BEST3: variants seen among roughly 807,000 people sequenced by gnomAD.
BEST3 encodes bestrophin 3, also known as bestrophin-3.
In BEST3, 50 loss-of-function variants were observed where a neutral mutation model predicts 47.1. That is an observed-to-expected ratio of 1.06 (90% confidence interval 0.85 to 1.34). The LOEUF is 1.34. Ranked by LOEUF, BEST3 falls within the 40% of genes most tolerant of loss-of-function variation. The pLI, the probability that BEST3 is intolerant of heterozygous loss-of-function variation, is 0.00. For missense variants in BEST3, 765 were observed against 817.0 expected, an observed-to-expected ratio of 0.94 and a Z score of 0.78; for synonymous variants, 282 against 298.8, an observed-to-expected ratio of 0.94 and a Z score of 0.58.
At chr12:69,652,845 G>A (rs528056855), downstream of BEST3, among the ~76,000 whole-genome samples, 9 of 152,308 alleles carry the variant, frequency 5.9e-5, no homozygotes, top group African/African-American at 2.2e-4. Flanking sequence ...AGAGCCTGGT[G>A]ACTGGGAGAA....
intron 5 of BEST3, among the ~76,000 whole-genome samples, chr12:69,677,510 G>T (rs951249571): frequency 1.4e-4 from 21 of 152,212 alleles, no homozygotes; most frequent in African/African-American, 4.6e-4. Context: ...GCCAGGTGTG[G>T]TGGCTCATGC....
chr12:69,698,144 G>T (rs745869219), intron 1 of BEST3, among the ~76,000 whole-genome samples: 52 of 152,196 alleles, frequency 3.4e-4, no homozygotes, highest in Admixed American at 1.7e-3. Context: ...GAATTTAATT[G>T]ATGGGGCACT....
chr12:69,652,634 G>A (rs1178219085), downstream of BEST3, among the ~76,000 whole-genome samples: 1 of 152,198 alleles, frequency 6.6e-6, no homozygotes, highest in African/African-American at 2.4e-5. Flanking sequence ...GCGTGTGGAA[G>A]CAGAGATAAA....
chr12:69,686,787 A>AAAAAAAAAAAGG (rs1555208539), intron 4 of BEST3, among the ~76,000 whole-genome samples: 1 of 88,330 alleles, frequency 1.1e-5, no homozygotes, highest in Non-Finnish European at 2.3e-5. Flanking sequence ...AACAAAAAAA[A>AAAAAAAAAAAGG]AAGAAAGAAA....
Position 69,680,570 on chromosome 12 carries a change from T to G in BEST3, c.482-1677A>C, listed in dbSNP as rs942900760. Among the ~76,000 whole-genome samples, 20 of 152,090 alleles carry G rather than the reference T, an allele frequency of 1.3e-4. No individual in the cohort carries two copies. In the South Asian group the frequency reaches 2.3e-3, roughly 17 times the overall value. ...GATCCGCCCTCCTCGGCCTCCCAAA[T>G]TGCTGGGATTACAGGCGTGAGCCAC... On this transcript the variant is annotated intron_variant, in intron 4 of 9. Coordinates refer to ENST00000330891, the MANE Select transcript of BEST3 (RefSeq NM_032735.3).
chr12:69,652,196 G>A (rs1346372499), downstream of BEST3, among the ~76,000 whole-genome samples: 1 of 152,170 alleles, frequency 6.6e-6, no homozygotes, highest in Non-Finnish European at 1.5e-5. Context: ...AATAGAGCTT[G>A]GCCTCACCGC....
intron 4 of BEST3, 119 bp downstream of exon 4, chr12:69,693,555 G>A (rs1364903527): frequency 3.4e-6 from 3 of 874,772 alleles, no homozygotes; most frequent in South Asian, 1.8e-5. Flanking sequence ...ATGAGCCACC[G>A]CGCCCAACCA....
At chr12:69,678,609 A>T in intron 5 of BEST3, 130 bp downstream of exon 5, 1 of 822,366 alleles carries the variant, frequency 1.2e-6, no homozygotes, top group Non-Finnish European at 1.9e-6. Flanking sequence ...GTCTGACACT[A>T]GTCCAATCTT....
intron 8 of BEST3, among the ~76,000 whole-genome samples, chr12:69,672,392 TG>T (rs1260054574): frequency 6.6e-6 from 1 of 152,212 alleles, no homozygotes; most frequent in Non-Finnish European, 1.5e-5. Context: ...GTAAGTGCCC[TG>T]GGGCCCATTT....
In BEST3 at chr12:69,678,747, A is replaced by G. The variant is rs536750916; in HGVS notation, c.628T>C (p.Leu210=). ...RIRDSVDLQS[L]MTEMNRYRSW... Reference sequence around the variant, plus strand: ...ATTTATGATATACTTACAGTCATCAATGATTGCAGATCAACACTGTCTCTG... The same window carrying G: ...ATTTATGATATACTTACAGTCATCAGTGATTGCAGATCAACACTGTCTCTG... The change falls in exon 5 of 10, where the codon TTG becomes CTG. Residue 210 remains leucine, a synonymous_variant. Transcript: ENST00000330891. 6.2e-7 allele frequency: 1 copy of G among 1,613,960 alleles called. No homozygotes were observed. The highest frequency in any genetic ancestry group is 8.5e-7 in the Non-Finnish European group (1 of 1,179,936).
At chr12:69,643,612 T>C (rs1882942213) in exon 10 of BEST3, 1 of 575,244 alleles carries the variant, frequency 1.7e-6, no homozygotes, top group African/African-American at 1.9e-5. Flanking sequence ...TGGAGAATGT[T>C]TTTCAGTTGA....
chr12:69,684,615 G>A, intron 4 of BEST3: 1 of 667,970 alleles, frequency 1.5e-6, no homozygotes, highest in Non-Finnish European at 2.9e-6. Context: ...CTTTCTGAAA[G>A]AGAGAGTTGT....
intron 4 of BEST3, among the ~76,000 whole-genome samples, chr12:69,688,375 G>T (rs1011758674): frequency 3.9e-5 from 6 of 152,138 alleles, no homozygotes; most frequent in African/African-American, 1.2e-4. Context: ...CCAGTTCAGG[G>T]ACTTTTCAGC....
intron 9 of BEST3, among the ~76,000 whole-genome samples, chr12:69,644,057 C>T (rs1882956806): frequency 2.0e-5 from 3 of 152,094 alleles, no homozygotes; most frequent in African/African-American, 7.2e-5. Flanking sequence ...CATATCATAC[C>T]CAAGAGTTTA....
intron 9 of BEST3, among the ~76,000 whole-genome samples, chr12:69,646,939 T>TA (rs1555201120): frequency 1.0e-3 from 80 of 78,426 alleles, no homozygotes; most frequent in African/African-American, 1.9e-3. Context: ...CCTTGGGGAA[T>TA]AAAAAAAAAG....
intron 9 of BEST3, chr12:69,670,571 G>C: frequency 1.4e-6 from 1 of 702,574 alleles, no homozygotes; most frequent in South Asian, 1.5e-5. Flanking sequence ...GGGTTGAAGC[G>C]AGATCTCCTG....
chr12:69,680,211 G>A (rs1885160440), intron 4 of BEST3, among the ~76,000 whole-genome samples: 2 of 151,678 alleles, frequency 1.3e-5, no homozygotes, highest in Admixed American at 6.6e-5. Flanking sequence ...AGAGGAATAA[G>A]GTAACAGGTT....
At position 69,677,056 on chromosome 12, in the gene BEST3, C is replaced by T. The variant is rs368113693; in HGVS notation, c.727G>A (p.Ala243Thr). Reference sequence around the variant, plus strand: ...CACGCAAAGAAGAAGGTATAGACAGCAAGAGTGACAACCTGGAACAGAGAG... The same window carrying T: ...CACGCAAAGAAGAAGGTATAGACAGTAAGAGTGACAACCTGGAACAGAGAG... ...PLVYTQVVTLAVYTFFFACLI... is the reference protein window; with the variant it reads ...PLVYTQVVTLTVYTFFFACLI... Residue 243 changes from alanine to threonine, a missense_variant, in exon 7 of 10, where the codon GCT (alanine) becomes ACT (threonine). Coordinates refer to ENST00000330891, the MANE Select transcript of BEST3 (RefSeq NM_032735.3). The T allele has an allele frequency of 6.2e-7, 1 of 1,614,174 alleles. No homozygotes were observed. Among genetic ancestry groups the T allele is most frequent in the Non-Finnish European group, 8.5e-7 (1 of 1,180,024 alleles).
In BEST3 at chr12:69,686,779, C is replaced by CAAAAAAAAAAAAAAACA. The variant is rs71094728; in HGVS notation, c.481+6894_481+6895insTGTTTTTTTTTTTTTTT. Reference sequence around the variant, plus strand: ...AGAGCAAGATTCTGCCTCAAAAAAACAAAAAAAAAAGAAAGAAAAGAAAAA... The same window carrying CAAAAAAAAAAAAAAACA: ...AGAGCAAGATTCTGCCTCAAAAAAACAAAAAAAAAAAAAAACAAAAAAAAAAAGAAAGAAAAGAAAAA... On this transcript the variant is annotated intron_variant, in intron 4 of 9. Coordinates refer to ENST00000330891, the MANE Select transcript of BEST3 (RefSeq NM_032735.3). 4.7e-3 allele frequency among the ~76,000 whole-genome samples: 466 copies of CAAAAAAAAAAAAAAACA among 99,266 alleles called. 4 individuals carry two copies. The highest frequency in any genetic ancestry group is 0.014 in the African/African-American group (288 of 20,484). The allele number at this position is 99,266 out of a possible 152,430, so 65.1% of individuals were successfully genotyped here.
Sources: gnomAD v4.1 joint callset for allele counts (sites outside exome capture counted in the v4.1 genomes callset) on GRCh38, gnomAD v4.1.1 for gene constraint, MANE v1.5 for transcripts, NCBI Gene and HGNC (gene_info 2026-07-23, HGNC 2026-07-21) for gene names.